RNASE11: variants seen among roughly 807,000 people sequenced by gnomAD.
RNASE11 encodes the protein putative inactive ribonuclease 11.
For missense variants in RNASE11, 252 were observed against 237.8 expected (o/e 1.06, Z -0.39); for synonymous variants, 105 against 86.1 (o/e 1.22, Z -1.21).
chr14:20,583,197 C>T (rs2138880402), downstream of RNASE11: 1 of 152,378 alleles, frequency 6.6e-6, no homozygotes, highest in East Asian at 1.9e-4. Context: ...TGCCATTCCT[C>T]TCCCACAGCC....
upstream of RNASE11, among the ~76,000 whole-genome samples, chr14:20,589,988 G>A (rs1232282084): frequency 6.6e-6 from 1 of 152,198 alleles, no homozygotes; most frequent in Non-Finnish European, 1.5e-5. Context: ...CAAGTGAGTG[G>A]CTCATTCCCT....
At chr14:20,585,517 G>A (rs1884416793) in intron 1 of RNASE11, among the ~76,000 whole-genome samples, 1 of 152,144 alleles carries the variant, frequency 6.6e-6, no homozygotes, top group Non-Finnish European at 1.5e-5. Context: ...ATAATGAACT[G>A]TAGATTAATA....
chr14:20,584,352 T>G (rs1329886988), exon 2 of RNASE11: 3 of 1,614,078 alleles, frequency 1.9e-6, no homozygotes, highest in Non-Finnish European at 2.5e-6. Flanking sequence ...CTTGGCCACT[T>G]TTTGCCATGT....
intron 1 of RNASE11, chr14:20,584,982 A>T: frequency 1.3e-6 from 1 of 763,468 alleles, no homozygotes. Flanking sequence ...CCCATCTCTC[A>T]TTTCTTTTGC....
chr14:20,587,709 G>A, exon 1 of RNASE11: 1 of 985,366 alleles, frequency 1.0e-6, no homozygotes, highest in Non-Finnish European at 1.2e-6. Context: ...TAAGATGGAA[G>A]AAGCCATGAG....
At position 20,584,399 on chromosome 14, in the gene RNASE11, T is replaced by C. The variant is rs776919898; in HGVS notation, c.76A>G (p.Ile26Val). 43 of 1,614,016 alleles carry C rather than the reference T, an allele frequency of 2.7e-5. No homozygotes were observed. In the South Asian group the frequency reaches 4.4e-4, roughly 16 times the overall value. The stretch of plus-strand genomic sequence containing the variant: ...TCTTCGTCTGTAAATTCTTCTTTAA[T>C]TATCTTCATTGTGCTTTCTGATGCT... Residue 26 changes from isoleucine (I) to valine (V), a missense_variant, in exon 2 of 2, where the codon ATT (isoleucine) becomes GTT (valine). Transcript: ENST00000553849.
chr14:20,585,102 T>C (rs117146473), intron 1 of RNASE11: 66,685 of 984,386 alleles, frequency 0.068, 2,483 homozygotes, highest in Non-Finnish European at 0.073. Context: ...TCGTGTTTGT[T>C]TCCTGGGAGT....
chr14:20,587,863 C>G (rs2138894271), upstream of RNASE11: 3 of 985,044 alleles, frequency 3.0e-6, no homozygotes, highest in Non-Finnish European at 3.6e-6. Context: ...AGTGCACCTT[C>G]TTCTTTGACA....
upstream of RNASE11, among the ~76,000 whole-genome samples, chr14:20,589,399 G>A (rs1256272958): frequency 1.3e-5 from 2 of 151,284 alleles, no homozygotes; most frequent in East Asian, 4.0e-4. Flanking sequence ...GACTATAGGC[G>A]CCCGCCACCA....
At chr14:20,583,145 T>C (rs1652047), downstream of RNASE11, 94,749 of 152,178 alleles carry the variant, frequency 0.62, 29,568 homozygotes, top group South Asian at 0.67. Context: ...TAGCACAGAC[T>C]TTCTATTCCC....
intron 1 of RNASE11, among the ~76,000 whole-genome samples, chr14:20,586,399 C>G (rs1884434391): frequency 1.3e-5 from 2 of 151,956 alleles, no homozygotes; most frequent in Non-Finnish European, 2.9e-5. Flanking sequence ...TCTTATCATT[C>G]CCTTCTTATA....
At chr14:20,582,927 A>T (rs1566561260), downstream of RNASE11, 1 of 152,222 alleles carries the variant, frequency 6.6e-6, no homozygotes, top group Non-Finnish European at 1.5e-5. Flanking sequence ...TTAAAATTAG[A>T]ACATTAAGAA....
exon 1 of RNASE11, chr14:20,587,703 A>G: frequency 1.0e-6 from 1 of 985,418 alleles, no homozygotes; most frequent in Non-Finnish European, 1.2e-6. Context: ...GCCACCTAAG[A>G]TGGAAGAAGC....
chr14:20,584,789 G>C (rs1010079348), intron 1 of RNASE11, among the ~76,000 whole-genome samples: 1 of 152,184 alleles, frequency 6.6e-6, no homozygotes, highest in African/African-American at 2.4e-5. Flanking sequence ...CTACAACCAA[G>C]TATTTGTTTC....
intron 1 of RNASE11, among the ~76,000 whole-genome samples, chr14:20,584,874 A>C (rs773128064): frequency 6.6e-6 from 1 of 152,196 alleles, no homozygotes; most frequent in Non-Finnish European, 1.5e-5. Context: ...TTCTCACTCA[A>C]CACATTCCCT....
chr14:20,584,331 G>A (rs765837593), exon 2 of RNASE11: 1 of 1,614,068 alleles, frequency 6.2e-7, no homozygotes, highest in Non-Finnish European at 8.5e-7. Context: ...ATATCTCAAT[G>A]GTCTGTTTTT....
upstream of RNASE11, among the ~76,000 whole-genome samples, chr14:20,589,394 T>C (rs7157930): frequency 0.36 from 53,729 of 150,822 alleles, 9,804 homozygotes; most frequent in African/African-American, 0.42. Flanking sequence ...GCTGGGACTA[T>C]AGGCGCCCGC....
upstream of RNASE11, among the ~76,000 whole-genome samples, chr14:20,589,747 C>T (rs953957232): frequency 1.5e-4 from 23 of 151,788 alleles, no homozygotes; most frequent in African/African-American, 5.3e-4. Context: ...ATCAGCCGGG[C>T]GCGGTGGCAC....
upstream of RNASE11, among the ~76,000 whole-genome samples, chr14:20,589,536 A>G (rs971877555): frequency 2.1e-5 from 3 of 144,510 alleles, no homozygotes; most frequent in Admixed American, 2.1e-4. Flanking sequence ...TACAGGCGTG[A>G]GCCACCGCGC....
Sources: allele counts gnomAD v4.1 joint callset (sites outside exome capture counted in the v4.1 genomes callset), GRCh38; gene constraint gnomAD v4.1.1; transcripts MANE v1.5; gene names NCBI Gene and HGNC (gene_info 2026-07-23, HGNC 2026-07-21).